The following ENTREP2 variants were observed in gnomAD, a reference collection of about 807,000 sequenced individuals.
ENTREP2 encodes the protein protein ENTREP2.
chr15:29,235,542 C>G, the ENTREP2 span, among the ~76,000 whole-genome samples: 1 of 152,124 alleles, frequency 6.6e-6, no homozygotes, highest in Non-Finnish European at 1.5e-5. Context: ...TGAATGGACA[C>G]AAAACATATC....
chr15:29,135,549 C>T, the ENTREP2 span, among the ~76,000 whole-genome samples: 2 of 152,150 alleles, frequency 1.3e-5, no homozygotes, highest in African/African-American at 2.4e-5. This position sits in a 1 kb window ranked among gnomAD's most constrained non-coding sequence, Gnocchi z 7.4. Flanking sequence ...AAACAATACC[C>T]CAAAAGGGTG....
the ENTREP2 span, among the ~76,000 whole-genome samples, chr15:29,203,171 G>A: frequency 6.6e-6 from 1 of 152,204 alleles, no homozygotes; most frequent in Admixed American, 6.5e-5. Flanking sequence ...GGGAGGCCGA[G>A]GCAGGCGGAT....
At chr15:29,459,615 T>G in the ENTREP2 span, among the ~76,000 whole-genome samples, 16 of 152,074 alleles carry the variant, frequency 1.1e-4, no homozygotes, top group Non-Finnish European at 1.8e-4. Flanking sequence ...TACACTGACA[T>G]TGAGAAACGT....
At chr15:29,555,766 T>C in the ENTREP2 span, among the ~76,000 whole-genome samples, 21 of 152,300 alleles carry the variant, frequency 1.4e-4, no homozygotes, top group African/African-American at 5.0e-4. Flanking sequence ...GCATCCTTCT[T>C]TCCTACCTCT....
the ENTREP2 span, among the ~76,000 whole-genome samples, chr15:29,261,872 T>G: frequency 6.6e-6 from 1 of 150,628 alleles, no homozygotes; most frequent in Non-Finnish European, 1.5e-5. Context: ...TATATTGCCT[T>G]AAATGAATTA....
chr15:29,338,088 C>T, the ENTREP2 span, among the ~76,000 whole-genome samples: 140 of 152,132 alleles, frequency 9.2e-4, no homozygotes, highest in Non-Finnish European at 8.8e-5. Flanking sequence ...TATATCATCT[C>T]GCCCAGTGCC....
the ENTREP2 span, among the ~76,000 whole-genome samples, chr15:29,311,076 A>AT: frequency 2.7e-4 from 40 of 149,662 alleles, no homozygotes; most frequent in Admixed American, 1.3e-3. Flanking sequence ...GAGATTGGGA[A>AT]TTTTTTTTTT....
chr15:29,521,345 TGAA>T, the ENTREP2 span, among the ~76,000 whole-genome samples: 3 of 152,316 alleles, frequency 2.0e-5, no homozygotes, highest in South Asian at 4.1e-4. Flanking sequence ...GCAACAACTT[TGAA>T]GAAGAGGAAC....
the ENTREP2 span, among the ~76,000 whole-genome samples, chr15:29,582,800 C>T: frequency 4.0e-5 from 6 of 151,886 alleles, no homozygotes; most frequent in Non-Finnish European, 7.4e-5. Context: ...TACAGGCAGG[C>T]GCCACCACGC....
chr15:29,482,107 C>T, the ENTREP2 span, among the ~76,000 whole-genome samples: 1 of 151,990 alleles, frequency 6.6e-6, no homozygotes. Context: ...AAGCAATTCT[C>T]CTGCCTCAGC....
At chr15:29,582,327 A>G in the ENTREP2 span, among the ~76,000 whole-genome samples, 1 of 152,358 alleles carries the variant, frequency 6.6e-6, no homozygotes, top group Middle Eastern at 3.4e-3. Context: ...TGAATCATGG[A>G]CGGACTTACA....
At chr15:29,471,527 G>A in the ENTREP2 span, among the ~76,000 whole-genome samples, 1 of 152,186 alleles carries the variant, frequency 6.6e-6, no homozygotes, top group South Asian at 2.1e-4. Flanking sequence ...CGGCTACAAA[G>A]TGGCAGGAAG....
chr15:29,444,202 G>GAAAGAAAGA, the ENTREP2 span, among the ~76,000 whole-genome samples: 21 of 142,754 alleles, frequency 1.5e-4, 2 homozygotes, highest in African/African-American at 4.2e-4. Flanking sequence ...AAGAAAGAAA[G>GAAAGAAAGA]AAAGAAAGAA....
chr15:29,285,479 G>A, the ENTREP2 span, among the ~76,000 whole-genome samples: 1 of 152,054 alleles, frequency 6.6e-6, no homozygotes, highest in Non-Finnish European at 1.5e-5. Context: ...AGAGAAAGTG[G>A]GCAAATTCCT....
chr15:29,572,800 G>A, the ENTREP2 span, among the ~76,000 whole-genome samples: 3 of 151,872 alleles, frequency 2.0e-5, no homozygotes, highest in Non-Finnish European at 4.4e-5. Context: ...ACTGGGTTCA[G>A]TGTTATGGAG....
At chr15:29,311,231 G>A in the ENTREP2 span, among the ~76,000 whole-genome samples, 13 of 152,142 alleles carry the variant, frequency 8.5e-5, no homozygotes, top group Non-Finnish European at 1.8e-4. Context: ...CATAGCTTGT[G>A]TCTTGTATCA....
the ENTREP2 span, among the ~76,000 whole-genome samples, chr15:29,361,992 T>A: frequency 1.3e-5 from 2 of 152,162 alleles, no homozygotes; most frequent in Non-Finnish European, 2.9e-5. Context: ...TGCAACTCAC[T>A]TCACAGCACA....
chr15:29,635,430 C>T, the ENTREP2 span, among the ~76,000 whole-genome samples: 1 of 152,288 alleles, frequency 6.6e-6, no homozygotes, highest in South Asian at 2.1e-4. Context: ...GAGCCTGAGA[C>T]ACCCAGCCTC....
At chr15:29,196,359 A>T in the ENTREP2 span, 1 of 1,504,220 alleles carries the variant, frequency 6.6e-7, no homozygotes, top group Non-Finnish European at 9.0e-7. Context: ...TCTATATGTT[A>T]ATAAGGCTTC....
Sources: gnomAD v4.1 joint callset for allele counts (sites outside exome capture counted in the v4.1 genomes callset) on GRCh38, gnomAD v4.1.1 for gene constraint, Gnocchi (gnomAD v3.1) non-coding constraint, MANE v1.5 for transcripts, NCBI Gene and HGNC (gene_info 2026-07-23, HGNC 2026-07-21) for gene names.